The following FGF14 variants were observed in gnomAD, a reference collection of about 807,000 sequenced individuals.
FGF14 encodes fibroblast growth factor 14, also known as fibroblast growth factor homologous factor 4.
Under a neutral mutation model 25.5 loss-of-function variants are expected in FGF14, and 5 were observed. The ratio of observed to expected loss-of-function variants is 0.20; its 90% CI spans 0.10 to 0.41. The LOEUF is 0.41. FGF14 is among the 10% of genes least tolerant of loss of function. FGF14 has a pLI of 1.00. For synonymous variants in FGF14, 138 were observed against 118.3 expected, an observed-to-expected ratio of 1.17 and a Z score of -1.08; for missense variants, 222 against 320.1, an observed-to-expected ratio of 0.69 and a Z score of 2.34.
rs772880836 is a variant in FGF14 at position 101,868,826 on chromosome 13, G to C, written c.307C>G (p.Leu103Val). Residue 103 changes from leucine to valine, a missense_variant and splice_region_variant, in exon 3 of 5, where the codon CTC becomes GTC. By Grantham distance (32) the Leu-to-Val change is conservative. Coordinates refer to ENST00000376143, the MANE Select transcript of FGF14 (RefSeq NM_004115.4). ...AGTCCCACTGGTATGAGGTTGAAGAGTGCTGTGAAGATAAACATTGTCTAT... is the reference window on the plus strand; with the variant it reads ...AGTCCCACTGGTATGAGGTTGAAGACTGCTGTGAAGATAAACATTGTCTAT... ...GTKDDSTNST[L>V]FNLIPVGLRV... 7 of 1,607,380 alleles carry C rather than the reference G, an allele frequency of 4.4e-6. No homozygotes were observed. In the East Asian group the frequency reaches 1.3e-4, roughly 31 times the overall value.
At chr13:101,787,555 G>A (rs1280270053) in intron 3 of FGF14, among the ~76,000 whole-genome samples, 1 of 152,082 alleles carries the variant, frequency 6.6e-6, no homozygotes, top group Admixed American at 6.5e-5. Flanking sequence ...TTTCCTCAAC[G>A]CATAACCCTA....
At chr13:102,146,847 G>C (rs946124339) in intron 1 of FGF14, among the ~76,000 whole-genome samples, 3 of 152,150 alleles carry the variant, frequency 2.0e-5, no homozygotes, top group African/African-American at 7.2e-5. Context: ...AGAACGAATT[G>C]TATGAAACAC....
At chr13:101,998,496 A>G (rs181796297) in intron 1 of FGF14, among the ~76,000 whole-genome samples, 13 of 152,342 alleles carry the variant, frequency 8.5e-5, no homozygotes, top group Non-Finnish European at 1.8e-4. Flanking sequence ...CTATCCAAAG[A>G]GGTATGATCA....
rs1269752683 is a variant in FGF14, at chr13:102,115,640, T to G, written c.209-240344A>C. Among the ~76,000 whole-genome samples, 3 of 152,206 alleles carry G rather than the reference T, an allele frequency of 2.0e-5. No homozygotes were observed. In the South Asian group the frequency reaches 6.2e-4, roughly 32 times the overall value. On this transcript the variant is annotated intron_variant, in intron 1 of 4. Coordinates refer to the FGF14 transcript ENST00000376131. ...ACAGGAGCTAAACATTGAATCCACA[T>G]GGACACAAAGATAGAAACAGCAGAC...
At chr13:102,077,495 T>C (rs2043418305) in intron 1 of FGF14, among the ~76,000 whole-genome samples, 1 of 152,150 alleles carries the variant, frequency 6.6e-6, no homozygotes, top group Non-Finnish European at 1.5e-5. Flanking sequence ...TGAATAGTTA[T>C]CTCTCAAAAG....
chr13:102,210,533 T>G (rs1261176729), intron 1 of FGF14, among the ~76,000 whole-genome samples: 1 of 152,174 alleles, frequency 6.6e-6, no homozygotes, highest in East Asian at 1.9e-4. Context: ...CAGATAGATT[T>G]CCAAAATTAT....
At chr13:101,809,455 C>G (rs752692813) in intron 3 of FGF14, among the ~76,000 whole-genome samples, 1 of 152,098 alleles carries the variant, frequency 6.6e-6, no homozygotes, top group Non-Finnish European at 1.5e-5. Flanking sequence ...GCAAAACTCA[C>G]AATAGTTAAA....
At chr13:101,869,544 C>G (rs1397491026) in intron 2 of FGF14, among the ~76,000 whole-genome samples, 1 of 152,034 alleles carries the variant, frequency 6.6e-6, no homozygotes, top group Non-Finnish European at 1.5e-5. Context: ...CATGGCAGTG[C>G]TGCATGTTGA....
At chr13:101,839,519 A>G (rs1231458997) in intron 3 of FGF14, among the ~76,000 whole-genome samples, 1 of 151,986 alleles carries the variant, frequency 6.6e-6, no homozygotes, top group African/African-American at 2.4e-5. Context: ...AAACATATAT[A>G]TGTATTTTTT....
At chr13:102,033,644 C>T (rs1171148526) in intron 1 of FGF14, among the ~76,000 whole-genome samples, 1 of 152,112 alleles carries the variant, frequency 6.6e-6, no homozygotes, top group East Asian at 1.9e-4. Context: ...TCTGAGCTAC[C>T]CATGCTGAAA....
At chr13:101,982,529 C>A (rs919263565) in intron 1 of FGF14, among the ~76,000 whole-genome samples, 1 of 152,178 alleles carries the variant, frequency 6.6e-6, no homozygotes, top group African/African-American at 2.4e-5. Flanking sequence ...AAGGCAACAT[C>A]TTTTATGTGA....
At chr13:102,207,638 A>AT (rs2049988673) in intron 1 of FGF14, among the ~76,000 whole-genome samples, 3 of 151,314 alleles carry the variant, frequency 2.0e-5, no homozygotes. Context: ...AAAAAAAAAA[A>AT]AAAAAAAAGA....
At chr13:102,249,243 C>T (rs750123210) in intron 1 of FGF14, among the ~76,000 whole-genome samples, 1 of 152,096 alleles carries the variant, frequency 6.6e-6, no homozygotes, top group Non-Finnish European at 1.5e-5. Flanking sequence ...TACTTGAGAA[C>T]AAGCAAAAGG....
At chr13:101,761,221 C>T (rs2038005960) in intron 3 of FGF14, among the ~76,000 whole-genome samples, 1 of 152,080 alleles carries the variant, frequency 6.6e-6, no homozygotes, top group Non-Finnish European at 1.5e-5. Context: ...AATTTGCGAA[C>T]CTTCAAATAA....
intron 3 of FGF14, among the ~76,000 whole-genome samples, chr13:101,763,602 T>C (rs2038185103): frequency 6.6e-6 from 1 of 152,074 alleles, no homozygotes; most frequent in Non-Finnish European, 1.5e-5. Context: ...CTCATGCCTG[T>C]AATCCCAGCA....
chr13:102,152,052 T>C (rs2047111121), intron 1 of FGF14, among the ~76,000 whole-genome samples: 1 of 152,114 alleles, frequency 6.6e-6, no homozygotes, highest in Non-Finnish European at 1.5e-5. Context: ...AGTGGTGGCT[T>C]TTCATTCTAC....
chr13:102,154,356 A>G (rs1314321950), intron 1 of FGF14, among the ~76,000 whole-genome samples: 2 of 151,696 alleles, frequency 1.3e-5, no homozygotes, highest in Admixed American at 6.6e-5. Context: ...AGTGGGGGCC[A>G]ATATTCAACA....
chr13:101,841,605 G>T (rs931324286), intron 3 of FGF14, among the ~76,000 whole-genome samples: 3 of 152,118 alleles, frequency 2.0e-5, no homozygotes, highest in Middle Eastern at 3.4e-3. Context: ...CAAGAAAAGT[G>T]TTCAGAGGTA....
chr13:101,999,582 G>T (rs2039370576), intron 1 of FGF14, among the ~76,000 whole-genome samples: 1 of 152,176 alleles, frequency 6.6e-6, no homozygotes, highest in East Asian at 1.9e-4. Context: ...TCTCATTTCA[G>T]GAGCTTTGAC....
Sources: gnomAD v4.1 joint callset for allele counts (sites outside exome capture counted in the v4.1 genomes callset) on GRCh38, gnomAD v4.1.1 for gene constraint, MANE v1.5 for transcripts, NCBI Gene and HGNC (gene_info 2026-07-23, HGNC 2026-07-21) for gene names.